CELF4: variants seen among roughly 807,000 people sequenced by gnomAD.
The protein encoded by CELF4 is CUGBP Elav-like family member 4, also known as CUG-BP- and ETR-3-like factor 4.
Under a neutral mutation model 59.9 loss-of-function variants are expected in CELF4, and 18 were observed. The ratio of observed to expected loss-of-function variants is 0.30; its 90% CI spans 0.21 to 0.45. The LOEUF (loss-of-function observed/expected upper bound fraction) is 0.45. Ranked by LOEUF, CELF4 falls within the 20% of genes least tolerant of loss-of-function variation. The pLI, the probability that CELF4 is intolerant of heterozygous loss-of-function variation, is 1.00. For synonymous variants in CELF4, 261 were observed against 267.1 expected, an observed-to-expected ratio of 0.98 and a Z score of 0.22; for missense variants, 456 against 689.0, an observed-to-expected ratio of 0.66 and a Z score of 3.79.
At position 37,390,829 on chromosome 18, in the gene CELF4, G is replaced by A. The variant is rs571467182; in HGVS notation, c.370-68948C>T. ...GGGAGGGGGGGCAGTGCTGCTGGCC[G>A]GCACAGCAGTGGCAGCACTGCTATT... On this transcript the variant is annotated intron_variant, in intron 2 of 12. Transcript: ENST00000420428. Among the ~76,000 whole-genome samples, 437 of 150,368 alleles carry A rather than the reference G, an allele frequency of 2.9e-3. 3 individuals carry two copies. Among genetic ancestry groups the A allele is most frequent in the African/African-American group, 0.01 (416 of 40,550 alleles).
intron 2 of CELF4, among the ~76,000 whole-genome samples, chr18:37,436,146 A>G (rs561819339): frequency 1.3e-5 from 2 of 152,308 alleles, no homozygotes; most frequent in East Asian, 3.9e-4. Flanking sequence ...AGGGAGCGGC[A>G]GGAACCAGCC....
rs192930449 is a variant in CELF4 at position 37,392,238 on chromosome 18, G to A, written c.370-70357C>T. 7.5e-4 allele frequency among the ~76,000 whole-genome samples: 115 copies of A among 152,326 alleles called. 2 individuals are homozygous for A. Among genetic ancestry groups the A allele is most frequent in the African/African-American group, 2.7e-3 (112 of 41,578 alleles). On this transcript the variant is annotated intron_variant, in intron 2 of 12. Coordinates refer to ENST00000420428, the MANE Select transcript of CELF4 (RefSeq NM_020180.4). ...CTGGGGCTAGGACAGGCTCCGTCAC[G>A]GAGAGAAGACCTAGTTGCACCCCAG...
intron 3 of CELF4, among the ~76,000 whole-genome samples, chr18:37,312,997 G>T (rs759717193): frequency 2.0e-5 from 3 of 152,216 alleles, no homozygotes; most frequent in African/African-American, 7.2e-5. Context: ...CCCACCTTTC[G>T]GAGGCCTCTG....
At chr18:37,275,039 A>C (rs2154362415) in intron 4 of CELF4, 76 bp downstream of exon 4, 2 of 1,566,190 alleles carry the variant, frequency 1.3e-6, no homozygotes, top group Non-Finnish European at 1.7e-6. Context: ...GGCCCCGGAG[A>C]CTCAGAGGAG....
intron 1 of CELF4, among the ~76,000 whole-genome samples, chr18:37,491,208 C>A (rs535164388): frequency 2.7e-5 from 4 of 149,850 alleles, no homozygotes; most frequent in Non-Finnish European, 6.0e-5. Flanking sequence ...CTGAGAGGGA[C>A]GCCGTGCCCA....
chr18:37,511,344 C>T (rs1603643064), intron 1 of CELF4, among the ~76,000 whole-genome samples: 2 of 152,112 alleles, frequency 1.3e-5, no homozygotes, highest in South Asian at 2.1e-4. Context: ...TCCTGGGGCA[C>T]GGTTGGGTCT....
intron 1 of CELF4, among the ~76,000 whole-genome samples, chr18:37,491,991 G>T (rs187119463): frequency 1.8e-4 from 27 of 152,332 alleles, no homozygotes; most frequent in Admixed American, 8.5e-4. Flanking sequence ...GAAGCCTGGG[G>T]TGTAATCATC....
chr18:37,553,408 C>A (rs1603644040), intron 1 of CELF4, among the ~76,000 whole-genome samples: 1 of 152,238 alleles, frequency 6.6e-6, no homozygotes, highest in Non-Finnish European at 1.5e-5. Context: ...GTGTGTGCGT[C>A]TTGTGGGGGC....
In CELF4 at chr18:37,428,939, G is replaced by C. The variant is rs201743610; in HGVS notation, c.369+56586C>G. Among the ~76,000 whole-genome samples the C allele has an allele frequency of 9.8e-5, 15 of 152,308 alleles. No individual in the cohort carries two copies. The East Asian group carries it at 2.3e-3, about 24-fold the overall frequency. On this transcript the variant is annotated intron_variant, in intron 2 of 12. Coordinates refer to ENST00000420428, the MANE Select transcript of CELF4 (RefSeq NM_020180.4). ...TGCTGAACCCAGTGACCCTTCGAGG[G>C]CATGGACTGTGTCTTATTCACCTGG...
At chr18:37,432,616 T>C (rs754491173) in intron 2 of CELF4, among the ~76,000 whole-genome samples, 6 of 152,176 alleles carry the variant, frequency 3.9e-5, no homozygotes, top group Non-Finnish European at 5.9e-5. Context: ...CAACATATTC[T>C]CACTCATGTG....
At chr18:37,513,193 G>A (rs182850160) in intron 1 of CELF4, among the ~76,000 whole-genome samples, 106 of 152,346 alleles carry the variant, frequency 7.0e-4, no homozygotes, top group African/African-American at 2.5e-3. Flanking sequence ...TTTGTTCCCT[G>A]CCTCAATATG....
At chr18:37,396,952 C>G (rs1162860604) in intron 2 of CELF4, among the ~76,000 whole-genome samples, 1 of 152,248 alleles carries the variant, frequency 6.6e-6, no homozygotes, top group Non-Finnish European at 1.5e-5. Context: ...AGCCAGGATT[C>G]CGTCTCTGAG....
intron 2 of CELF4, among the ~76,000 whole-genome samples, chr18:37,431,960 G>T (rs2099669623): frequency 6.6e-6 from 1 of 152,226 alleles, no homozygotes; most frequent in Non-Finnish European, 1.5e-5. Context: ...GTAAAAGCGT[G>T]AAATAGGTCC....
intron 1 of CELF4, among the ~76,000 whole-genome samples, chr18:37,554,602 G>A (rs2099984231): frequency 6.6e-6 from 1 of 152,122 alleles, no homozygotes; most frequent in Admixed American, 6.5e-5. Context: ...TCTAAGGCAG[G>A]CTCCCTTTCA....
intron 2 of CELF4, among the ~76,000 whole-genome samples, chr18:37,442,302 A>G (rs2099733421): frequency 6.6e-6 from 1 of 152,230 alleles, no homozygotes. Flanking sequence ...ACATAAAGAA[A>G]TAAAGATGGA....
At chr18:37,368,784 C>T (rs2098820903) in intron 2 of CELF4, among the ~76,000 whole-genome samples, 1 of 152,254 alleles carries the variant, frequency 6.6e-6, no homozygotes, top group South Asian at 2.1e-4. Context: ...TATGGAACAG[C>T]CCCGTGTGCA....
chr18:37,293,924 G>A (rs2095493523), intron 3 of CELF4, among the ~76,000 whole-genome samples: 1 of 152,096 alleles, frequency 6.6e-6, no homozygotes, highest in Non-Finnish European at 1.5e-5. Flanking sequence ...GGGTCAGGGA[G>A]GAAGGGATCA....
intron 2 of CELF4, among the ~76,000 whole-genome samples, chr18:37,452,549 G>A (rs1334857671): frequency 9.9e-5 from 15 of 152,096 alleles, no homozygotes; most frequent in Non-Finnish European, 7.4e-5. Context: ...CTCATGCATT[G>A]TTTTGGAAGC....
chr18:37,266,361 C>G (rs1012701317), intron 9 of CELF4, 172 bp downstream of exon 9: 2 of 692,690 alleles, frequency 2.9e-6, no homozygotes, highest in African/African-American at 1.8e-5. Flanking sequence ...CTCGGTGGCC[C>G]GCTGACAAGA....
Sources: gnomAD v4.1 joint callset for allele counts (sites outside exome capture counted in the v4.1 genomes callset) on GRCh38, gnomAD v4.1.1 for gene constraint, MANE v1.5 for transcripts, NCBI Gene and HGNC (gene_info 2026-07-23, HGNC 2026-07-21) for gene names.